Variants in GRAMD4 observed in about 807,000 individuals in gnomAD.
GRAMD4 encodes the protein GRAM domain containing 4, also known as GRAM domain-containing protein 4.
A neutral mutation model predicts 83.9 loss-of-function variants in GRAMD4; 25 were observed. The observed-to-expected ratio is 0.30, with a 90% CI of 0.22 to 0.42. The LOEUF (loss-of-function observed/expected upper bound fraction) is 0.42, where lower values mean the gene tolerates loss of function less well. Among genes scored for constraint, GRAMD4 ranks in the 10% least tolerant of loss-of-function variants. The pLI is 1.00. For missense variants in GRAMD4, 593 were observed against 788.7 expected, an observed-to-expected ratio of 0.75 and a Z score of 2.97; for synonymous variants, 336 against 320.9, an observed-to-expected ratio of 1.05 and a Z score of -0.50.
At chr22:46,600,062 G>A (rs1442772226) in intron 1 of GRAMD4, among the ~76,000 whole-genome samples, 1 of 152,214 alleles carries the variant, frequency 6.6e-6, no homozygotes. Context: ...GAGAGTGGAA[G>A]AGTCCTTTAG....
chr22:46,669,858 C>T (rs35427870), intron 13 of GRAMD4, among the ~76,000 whole-genome samples: 42,808 of 152,072 alleles, frequency 0.28, 6,220 homozygotes, highest in Admixed American at 0.4. Flanking sequence ...GGATTACAGG[C>T]GGGAGCCACT....
At chr22:46,671,502 A>T (rs1483660095) in intron 13 of GRAMD4, among the ~76,000 whole-genome samples, 1 of 150,172 alleles carries the variant, frequency 6.7e-6, no homozygotes, top group African/African-American at 2.5e-5. Context: ...TAAAATTAAA[A>T]AAAATTAGCC....
intron 3 of GRAMD4, among the ~76,000 whole-genome samples, chr22:46,645,013 G>T (rs2082054060): frequency 7.5e-6 from 1 of 134,152 alleles, no homozygotes; most frequent in African/African-American, 2.8e-5. Context: ...GCCTCTCAAA[G>T]TTTATTACAG....
intron 10 of GRAMD4, 62 bp downstream of exon 10, chr22:46,666,935 C>T (rs2082418724): frequency 1.7e-6 from 2 of 1,201,574 alleles, no homozygotes; most frequent in South Asian, 1.4e-5. Flanking sequence ...GCCTCACAGC[C>T]TGTAGGCACC....
chr22:46,674,243 C>T (rs902348662), intron 15 of GRAMD4, among the ~76,000 whole-genome samples: 1 of 152,184 alleles, frequency 6.6e-6, no homozygotes, highest in Non-Finnish European at 1.5e-5. Flanking sequence ...TTAAACTAAA[C>T]CGGGCAGCTC....
intron 1 of GRAMD4, among the ~76,000 whole-genome samples, chr22:46,615,051 G>A (rs868561605): frequency 2.1e-4 from 10 of 47,810 alleles, no homozygotes; most frequent in African/African-American, 7.8e-4. Flanking sequence ...TCCCCTGTGC[G>A]TGTAGGTTCC....
rs549403997 is a variant in GRAMD4 at position 46,583,898 on chromosome 22, C to T, written c.-50+6608C>T. On this transcript the variant is annotated intron_variant, in intron 1 of 1. Coordinates refer to the GRAMD4 transcript ENST00000431155. ...GCCACACTTAAGGGCTGGGGAGTCACGCCTGCCTCCTTGAGGGCAGAGTGG... is the reference window on the plus strand; with the variant it reads ...GCCACACTTAAGGGCTGGGGAGTCATGCCTGCCTCCTTGAGGGCAGAGTGG... Among the ~76,000 whole-genome samples the T allele has an allele frequency of 6.6e-5, 10 of 152,312 alleles. No homozygotes were observed. The East Asian group carries it at 1.7e-3, about 26-fold the overall frequency.
At chr22:46,578,564 C>T (rs974875654) in intron 1 of GRAMD4, among the ~76,000 whole-genome samples, 5 of 152,272 alleles carry the variant, frequency 3.3e-5, no homozygotes, top group African/African-American at 1.2e-4. Flanking sequence ...CTGCCCCGGG[C>T]GCTGTGGCTG....
chr22:46,628,273 A>G (rs1365176243), intron 2 of GRAMD4, among the ~76,000 whole-genome samples: 1 of 148,650 alleles, frequency 6.7e-6, no homozygotes, highest in Non-Finnish European at 1.5e-5. Flanking sequence ...CTCGGTAGGG[A>G]CCCTCCCGCC....
intron 10 of GRAMD4, among the ~76,000 whole-genome samples, chr22:46,667,394 T>C (rs188431558): frequency 3.7e-4 from 56 of 152,348 alleles, no homozygotes; most frequent in African/African-American, 1.3e-3. Context: ...TGCCTAACTT[T>C]GTAAATAAAG....
Position 46,579,258 on chromosome 22 carries a change from T to C in GRAMD4, c.-50+1968T>C, listed in dbSNP as rs1180018390. 3.9e-5 allele frequency among the ~76,000 whole-genome samples: 6 copies of C among 152,268 alleles called. No individual in the cohort carries two copies. The East Asian group carries it at 1.2e-3, about 29-fold the overall frequency. The stretch of plus-strand genomic sequence containing the variant: ...CCACCAGCCTTCCAGGCCTTCCCCT[T>C]AGTACCCTCCTCTTATCTGTGGAGC... On this transcript the variant is annotated intron_variant, in intron 1 of 1. Coordinates refer to the GRAMD4 transcript ENST00000431155.
intron 1 of GRAMD4, among the ~76,000 whole-genome samples, chr22:46,595,634 C>CT (rs1435423683): frequency 2.0e-5 from 3 of 152,222 alleles, no homozygotes; most frequent in African/African-American, 7.2e-5. Context: ...CCTGAACCCT[C>CT]TGAGCGTCAC....
intron 3 of GRAMD4, among the ~76,000 whole-genome samples, chr22:46,657,434 GTC>G (rs1395546876): frequency 6.6e-6 from 1 of 152,168 alleles, no homozygotes; most frequent in East Asian, 1.9e-4. Flanking sequence ...CCGGGTCCCC[GTC>G]TCTCCTGTCT....
At chr22:46,674,773 G>T (rs1328246921) in intron 16 of GRAMD4, 23 bp downstream of exon 16, 13 of 1,532,246 alleles carry the variant, frequency 8.5e-6, no homozygotes, top group Admixed American at 1.7e-5. Context: ...GTGGGGCCCT[G>T]TGTGGCTGCA....
upstream of GRAMD4, among the ~76,000 whole-genome samples, chr22:46,616,463 T>C (rs2081496592): frequency 1.7e-5 from 2 of 118,790 alleles, no homozygotes; most frequent in Admixed American, 8.3e-5. Flanking sequence ...TTCCCCCGTG[T>C]GTAGGTTCCC....
In GRAMD4 at chr22:46,644,261, A is replaced by G. The variant is rs557679386; in HGVS notation, c.283+6301A>G. The stretch of plus-strand genomic sequence containing the variant: ...CGTGTTACAACTGTCCCTGTTCCGT[A>G]TTACATCTGTCCCTGTTCCATGTTA... On this transcript the variant is annotated intron_variant, in intron 3 of 18. Transcript: ENST00000406902. 2.5e-3 allele frequency among the ~76,000 whole-genome samples: 272 copies of G among 107,156 alleles called. 1 individual carries two copies. Among genetic ancestry groups the G allele is most frequent in the South Asian group, 0.017 (55 of 3,304 alleles). The allele number at this position is 107,156 out of a possible 152,430, so 70.3% of individuals were successfully genotyped here.
At chr22:46,600,692 A>G (rs1316338998) in intron 1 of GRAMD4, among the ~76,000 whole-genome samples, 2 of 152,230 alleles carry the variant, frequency 1.3e-5, no homozygotes, top group Non-Finnish European at 2.9e-5. Flanking sequence ...CAAGCGATGG[A>G]GGACACTGGC....
At chr22:46,651,296 G>A (rs2082162158) in intron 3 of GRAMD4, among the ~76,000 whole-genome samples, 1 of 152,224 alleles carries the variant, frequency 6.6e-6, no homozygotes, top group Non-Finnish European at 1.5e-5. Context: ...CTGTGACCAG[G>A]TCTGCTGTGC....
At chr22:46,649,433 G>A (rs1040098312) in intron 3 of GRAMD4, among the ~76,000 whole-genome samples, 5 of 152,238 alleles carry the variant, frequency 3.3e-5, no homozygotes, top group Non-Finnish European at 5.9e-5. Context: ...CAGATGCCGC[G>A]TGCCTCTCAC....
Sources: allele counts gnomAD v4.1 joint callset (sites outside exome capture counted in the v4.1 genomes callset), GRCh38; gene constraint gnomAD v4.1.1; transcripts MANE v1.5; gene names NCBI Gene and HGNC (gene_info 2026-07-23, HGNC 2026-07-21).